The following IL1RAPL1 variants were observed in gnomAD, a reference collection of about 807,000 sequenced individuals.
IL1RAPL1 encodes interleukin-1 receptor accessory protein-like 1.
A neutral mutation model predicts 48.4 loss-of-function variants in IL1RAPL1; 3 were observed. That is an observed-to-expected ratio of 0.06 (90% confidence interval 0.03 to 0.16). IL1RAPL1 has a LOEUF of 0.16. IL1RAPL1 is among the 10% of genes least tolerant of loss of function. The pLI is 1.00. For missense variants in IL1RAPL1, 349 were observed against 530.6 expected (o/e 0.66, Z 3.36); for synonymous variants, 185 against 187.7 (o/e 0.99, Z 0.12).
chrX:29,919,315 G>C (rs1279441215), intron 7 of IL1RAPL1, among the ~76,000 whole-genome samples: 1 of 112,020 alleles, frequency 8.9e-6, no homozygotes, highest in Non-Finnish European at 1.9e-5. Flanking sequence ...GTGTGTTCAG[G>C]GAAGTTTCTA....
chrX:28,969,846 C>CAT lies in IL1RAPL1; in HGVS notation c.82+180426_82+180427dup, dbSNP rs1555947888. On this transcript the variant is annotated intron_variant, in intron 2 of 10. Transcript: ENST00000378993. Reference sequence around the variant, plus strand: ...TTAGAAACATATATATGTTTCTAAACATATATGTTTCTAAACACATATATA... The same window carrying CAT: ...TTAGAAACATATATATGTTTCTAAACATATATATGTTTCTAAACACATATATA... Among the ~76,000 whole-genome samples the CAT allele has an allele frequency of 2.2e-3, 136 of 61,306 alleles. 1 individual carries two copies. Among genetic ancestry groups the CAT allele is most frequent in the African/African-American group, 8.1e-3 (128 of 15,713 alleles). The allele number at this position is 61,306 out of a possible 115,157, so 53.2% of individuals were successfully genotyped here.
intron 3 of IL1RAPL1, among the ~76,000 whole-genome samples, chrX:29,347,092 AGGTTCTAAG>A (rs1444344773): frequency 1.8e-5 from 2 of 110,939 alleles, no homozygotes; most frequent in Non-Finnish European, 3.8e-5. Flanking sequence ...TGTAGGAGAT[AGGTTCTAAG>A]ACCTACCTTA....
At chrX:28,892,351 G>T (rs975173962) in intron 2 of IL1RAPL1, among the ~76,000 whole-genome samples, 16 of 110,044 alleles carry the variant, frequency 1.5e-4, no homozygotes, top group Non-Finnish European at 2.8e-4. Context: ...AGCTTTTTGA[G>T]CCAGGATGAG....
chrX:29,239,375 T>C (rs1055850925), intron 2 of IL1RAPL1, among the ~76,000 whole-genome samples: 9 of 112,849 alleles, frequency 8.0e-5, no homozygotes, highest in East Asian at 2.8e-4. Context: ...GGAGATCTTT[T>C]TGAATATCAT....
chrX:29,934,535 G>C (rs1932998242), intron 8 of IL1RAPL1, among the ~76,000 whole-genome samples: 1 of 111,669 alleles, frequency 9.0e-6, no homozygotes, highest in African/African-American at 3.3e-5. Flanking sequence ...TTTCTATTTT[G>C]GAATACAAAA....
At chrX:29,057,249 T>C (rs1459971674) in intron 2 of IL1RAPL1, among the ~76,000 whole-genome samples, 1 of 111,317 alleles carries the variant, frequency 9.0e-6, no homozygotes, top group Non-Finnish European at 1.9e-5. Flanking sequence ...TAGCTTATTT[T>C]TACCTAATGC....
chrX:29,278,734 G>A (rs1024893341), intron 2 of IL1RAPL1, among the ~76,000 whole-genome samples: 7 of 112,474 alleles, frequency 6.2e-5, no homozygotes, highest in African/African-American at 9.7e-5. Flanking sequence ...TGGAATGATT[G>A]TTCCCAAGCC....
intron 2 of IL1RAPL1, among the ~76,000 whole-genome samples, chrX:28,873,535 T>C (rs1834408622): frequency 1.2e-5 from 1 of 82,314 alleles, no homozygotes; most frequent in African/African-American, 4.7e-5. Context: ...TTTTTTTTTT[T>C]TTTTTTTTTT....
chrX:29,848,147 TGTAGGAGA>T (rs1206927786), intron 6 of IL1RAPL1, among the ~76,000 whole-genome samples: 1 of 111,482 alleles, frequency 9.0e-6, no homozygotes, highest in Non-Finnish European at 1.9e-5. Context: ...CAGTTTCTTT[TGTAGGAGA>T]GTGTGTACCT....
At chrX:29,123,094 A>G (rs1928830907) in intron 2 of IL1RAPL1, among the ~76,000 whole-genome samples, 1 of 109,510 alleles carries the variant, frequency 9.1e-6, no homozygotes, top group Non-Finnish European at 1.9e-5. Flanking sequence ...CAGTGGCGCA[A>G]CCTCAGCTCA....
At chrX:28,723,174 T>G (rs1438936081) in intron 1 of IL1RAPL1, among the ~76,000 whole-genome samples, 1 of 111,200 alleles carries the variant, frequency 9.0e-6, no homozygotes, top group African/African-American at 3.3e-5. Context: ...TATGGTTCCA[T>G]CTCCTCCTTG....
At chrX:28,948,867 T>A (rs1924375199) in intron 2 of IL1RAPL1, among the ~76,000 whole-genome samples, 1 of 111,004 alleles carries the variant, frequency 9.0e-6, no homozygotes, top group African/African-American at 3.3e-5. Flanking sequence ...GTAAGCACAG[T>A]AAGACATTAA....
At chrX:28,609,280 A>G (rs1178744038) in intron 1 of IL1RAPL1, among the ~76,000 whole-genome samples, 1 of 110,946 alleles carries the variant, frequency 9.0e-6, no homozygotes, top group Non-Finnish European at 1.9e-5. Flanking sequence ...TTGATTATAC[A>G]TTTTCCCTTT....
chrX:29,110,185 C>T (rs758948565), intron 2 of IL1RAPL1, among the ~76,000 whole-genome samples: 1 of 112,248 alleles, frequency 8.9e-6, no homozygotes, highest in South Asian at 3.7e-4. Flanking sequence ...CTCCCATGTT[C>T]TCCTTTATAT....
intron 2 of IL1RAPL1, among the ~76,000 whole-genome samples, chrX:28,843,621 G>C (rs1372448236): frequency 9.0e-6 from 1 of 111,716 alleles, no homozygotes; most frequent in East Asian, 2.8e-4. Context: ...ATGAATCTTT[G>C]GATTTTGTAA....
chrX:29,399,146 T>C lies in IL1RAPL1; in HGVS notation c.550-9T>C. The stretch of plus-strand genomic sequence containing the variant: ...TATGTACTACCAAAATTGTATGTTC[T>C]TCATATAGGAATGCAGGACAAAAAC... On this transcript the variant is annotated splice_polypyrimidine_tract_variant and intron_variant, in intron 4 of 10. Transcript: ENST00000378993. The C allele has an allele frequency of 1.2e-5, 14 of 1,190,170 alleles. No homozygotes were observed. The highest frequency in any genetic ancestry group is 1.6e-5 in the Non-Finnish European group (14 of 877,137).
chrX:29,875,614 T>C, intron 6 of IL1RAPL1, among the ~76,000 whole-genome samples: 1 of 111,743 alleles, frequency 8.9e-6, no homozygotes, highest in East Asian at 2.8e-4. Flanking sequence ...GAAATTCAGC[T>C]TGCATCAGTC....
intron 2 of IL1RAPL1, among the ~76,000 whole-genome samples, chrX:28,868,777 T>C (rs774470737): frequency 1.8e-5 from 2 of 112,576 alleles, no homozygotes; most frequent in East Asian, 2.8e-4. Flanking sequence ...TCTTACTTCA[T>C]CCCAGAAATC....
chrX:29,223,210 C>G (rs1931015700), intron 2 of IL1RAPL1, among the ~76,000 whole-genome samples: 2 of 111,702 alleles, frequency 1.8e-5, no homozygotes, highest in South Asian at 3.7e-4. Context: ...AAAAGACTTA[C>G]AAGGTTTTTC....
Sources: gnomAD v4.1 joint callset for allele counts (sites outside exome capture counted in the v4.1 genomes callset) on GRCh38, gnomAD v4.1.1 for gene constraint, MANE v1.5 for transcripts, NCBI Gene and HGNC (gene_info 2026-07-23, HGNC 2026-07-21) for gene names.